PCSK7: variants seen among roughly 807,000 people sequenced by gnomAD.
The protein encoded by PCSK7 is lymphoma proprotein convertase.
A neutral mutation model predicts 73.3 loss-of-function variants in PCSK7; 38 were observed. The observed-to-expected ratio is 0.52, with a 90% CI of 0.40 to 0.68. PCSK7 has a LOEUF of 0.68. PCSK7 is among the 30% of genes least tolerant of loss of function. PCSK7 has a pLI of 0.00. For synonymous variants in PCSK7, 296 were observed against 383.8 expected, an observed-to-expected ratio of 0.77 and a Z score of 2.68; for missense variants, 692 against 991.5, an observed-to-expected ratio of 0.70 and a Z score of 4.06.
At chr11:117,216,431 CAATTT>C (rs2031985219) in intron 12 of PCSK7, 1 of 115,140 alleles carries the variant, frequency 8.7e-6, no homozygotes, top group African/African-American at 3.6e-5. Context: ...GCTCAACTCT[CAATTT>C]TTTTTTTTTT....
chr11:117,209,845 A>G (rs1479719815), intron 12 of PCSK7: 1 of 152,506 alleles, frequency 6.6e-6, no homozygotes, highest in African/African-American at 2.4e-5. Flanking sequence ...CCCTGTCTCA[A>G]AGAAAAAAAA....
At chr11:117,213,375 C>T (rs4938358) in intron 12 of PCSK7, 42,957 of 152,034 alleles carry the variant, frequency 0.28, 7,032 homozygotes, top group African/African-American at 0.45. Context: ...AACACTCGCG[C>T]GTTTCAAGTT....
chr11:117,215,405 T>TAC (rs1433529244), intron 12 of PCSK7: 1 of 88,354 alleles, frequency 1.1e-5, no homozygotes, highest in Non-Finnish European at 1.9e-5. Flanking sequence ...TATATATATA[T>TAC]ACTTTTTTTT....
In PCSK7 at chr11:117,218,919, T is replaced by A. The variant is rs570617850; in HGVS notation, c.1431+138A>T. On this transcript the variant is annotated intron_variant, in intron 11 of 16. Transcript: ENST00000320934. The surrounding 1 kb of genome is among the most constrained non-coding windows in gnomAD (Gnocchi z 4.0). ...TTTGTAAAATGGATATCAGCTGGGATGAAGGTTGAAGTTGTTAAATCAATG... is the reference window on the plus strand; with the variant it reads ...TTTGTAAAATGGATATCAGCTGGGAAGAAGGTTGAAGTTGTTAAATCAATG... 7 of 605,368 alleles carry A rather than the reference T, an allele frequency of 1.2e-5. No individual in the cohort carries two copies. In the South Asian group the frequency reaches 1.4e-4, roughly 12 times the overall value. 37.5% of individuals were successfully genotyped at this position (605,368 alleles called of 1,614,324 possible). A position where few individuals can be genotyped will look rare whatever the true frequency, so the allele number is the denominator to read the frequency against.
At chr11:117,223,571 C>T in intron 8 of PCSK7, 2 of 518,300 alleles carry the variant, frequency 3.9e-6, no homozygotes, top group Non-Finnish European at 6.9e-6. Context: ...TTCATACCCA[C>T]TTATTCATTC....
intron 10 of PCSK7, 79 bp downstream of exon 10, chr11:117,219,512 T>C (rs1313522023): frequency 2.3e-6 from 3 of 1,321,904 alleles, no homozygotes; most frequent in Non-Finnish European, 3.2e-6. Flanking sequence ...ATTTGGGACA[T>C]TGAGAATCTA....
Position 117,218,233 on chromosome 11 carries a change from G to T in PCSK7, c.1534+233C>A. 2 of 204,898 alleles carry T rather than the reference G, an allele frequency of 9.8e-6. No individual in the cohort carries two copies. The highest frequency in any genetic ancestry group is 2.0e-5 in the Non-Finnish European group (2 of 101,214). The allele number at this position is 204,898 out of a possible 1,614,324, so 12.7% of individuals were successfully genotyped here. A position where few individuals can be genotyped will look rare whatever the true frequency, so the allele number is the denominator to read the frequency against. ...ACCCGCCCTCCTCCTCAGTTGCTCT[G>T]CTGCTCCTTTTCACTACTAGGAACC... On this transcript the variant is annotated intron_variant, in intron 12 of 16. Transcript: ENST00000320934. This position sits in a 1 kb window ranked among gnomAD's most constrained non-coding sequence, Gnocchi z 4.0.
chr11:117,222,652 CT>C (rs35511974), intron 9 of PCSK7: 40 of 147,002 alleles, frequency 2.7e-4, no homozygotes, highest in Non-Finnish European at 3.2e-4. Context: ...CACTTAGTTT[CT>C]TTTTTTTTTT....
In PCSK7 at chr11:117,224,060, G is replaced by A; in HGVS notation, c.1054+18C>T. The A allele has an allele frequency of 4.3e-6, 7 of 1,613,534 alleles. No individual in the cohort carries two copies. Among genetic ancestry groups the A allele is most frequent in the Non-Finnish European group, 5.9e-6 (7 of 1,179,414 alleles). On this transcript the variant is annotated intron_variant, in intron 8 of 16. Transcript: ENST00000320934. ...TCGGTGACACACACACAGGAGCACA[G>A]AAACATTGGGTGACTACCTATGGTG...
At chr11:117,222,953 GAC>G (rs901063369) in intron 9 of PCSK7, 18 of 450,732 alleles carry the variant, frequency 4.0e-5, no homozygotes, top group African/African-American at 2.8e-4. Context: ...GGCCCCATGT[GAC>G]ACTTAGTTTC....
intron 9 of PCSK7, 128 bp downstream of exon 9, chr11:117,223,080 C>G: frequency 1.4e-6 from 1 of 702,716 alleles, no homozygotes; most frequent in African/African-American, 1.7e-5. Context: ...AGACATCCAG[C>G]TCTGTGGGGG....
rs1284017787 is a variant in PCSK7 at position 117,229,727 on chromosome 11, C to T, written c.118G>A (p.Gly40Arg). The T allele has an allele frequency of 1.2e-6, 2 of 1,613,908 alleles. No individual in the cohort carries two copies. The highest frequency in any genetic ancestry group is 1.3e-5 in the African/African-American group (1 of 74,960). The part of the protein sequence containing the change: ...LLVPWVMGLA[G>R]TGGPDGQGTG... Reference sequence around the variant, plus strand: ...CCCTGGCCATCAGGCCCACCTGTCCCTGCCAGGCCCATGACCCAGGGAACC... The same window carrying T: ...CCCTGGCCATCAGGCCCACCTGTCCTTGCCAGGCCCATGACCCAGGGAACC... The change falls in exon 3 of 17, where the codon GGG (glycine) becomes AGG (arginine). Residue 40 changes from glycine (G) to arginine (R), a missense_variant. Physicochemically the swap from Gly to Arg is moderately radical, Grantham distance 125. This residue lies in a region of PCSK7 where 574 missense variants were observed against 689.8 expected (regional missense o/e 0.83). Coordinates refer to ENST00000320934, the MANE Select transcript of PCSK7 (RefSeq NM_004716.4).
rs767369841 is a variant in PCSK7, at chr11:117,225,923, T to C, written c.860+8A>G. On this transcript the variant is annotated splice_region_variant and intron_variant, in intron 6 of 16. Coordinates refer to ENST00000320934, the MANE Select transcript of PCSK7 (RefSeq NM_004716.4). ...GCTCTTGCCCTCTCATCTGCAGCTC[T>C]GCCTCACCTGCAGCTGTAGATGTCA... The C allele has an allele frequency of 6.4e-7, 1 of 1,561,714 alleles. No homozygotes were observed. The highest frequency in any genetic ancestry group is 8.8e-7 in the Non-Finnish European group (1 of 1,132,344).
intron 12 of PCSK7, chr11:117,217,415 T>C (rs1565309584): frequency 1.3e-5 from 2 of 152,238 alleles, no homozygotes; most frequent in Non-Finnish European, 2.9e-5. Context: ...TGAACTTCTC[T>C]GACTTGGCTG....
Position 117,218,381 on chromosome 11 carries a change from T to C in PCSK7, c.1534+85A>G. ...CTCAGCTCCGAAAGGGGGTAGAATCTGGCAGGGAGGACGAGTTTAACTTCC... is the reference window on the plus strand; with the variant it reads ...CTCAGCTCCGAAAGGGGGTAGAATCCGGCAGGGAGGACGAGTTTAACTTCC... On this transcript the variant is annotated intron_variant, in intron 12 of 16. Coordinates refer to ENST00000320934, the MANE Select transcript of PCSK7 (RefSeq NM_004716.4). This position sits in a 1 kb window ranked among gnomAD's most constrained non-coding sequence, Gnocchi z 4.0. The C allele has an allele frequency of 1.4e-6, 1 of 692,868 alleles. No individual in the cohort carries two copies. Among genetic ancestry groups the C allele is most frequent in the Non-Finnish European group, 2.4e-6 (1 of 418,018 alleles). The allele number at this position is 692,868 out of a possible 1,614,324, so 42.9% of individuals were successfully genotyped here.
intron 12 of PCSK7, chr11:117,213,126 C>T (rs954361972): frequency 5.3e-5 from 8 of 152,236 alleles, no homozygotes; most frequent in African/African-American, 1.9e-4. Context: ...TAACACTGCA[C>T]TATGCCTATA....
intron 12 of PCSK7, chr11:117,213,080 C>G (rs2031804762): frequency 6.6e-6 from 1 of 152,244 alleles, no homozygotes; most frequent in African/African-American, 2.4e-5. Context: ...CTGCTGTGCT[C>G]TCAAAGCACC....
In PCSK7 at chr11:117,219,131, C is replaced by T. The variant is rs987686954; in HGVS notation, c.1357G>A (p.Glu453Lys). 1.7e-5 allele frequency: 28 copies of T among 1,611,106 alleles called. No individual in the cohort carries two copies. Among genetic ancestry groups the T allele is most frequent in the African/African-American group, 4.0e-5 (3 of 74,932 alleles). ...TGGTGGCTATGGCTGAAGCCTGCCT[C>T]GTTGGTGACCCACTCTGCACGGCGA... ...EDRRAEWVTN[E>K]AGFSHSHQHG... The change falls in exon 11 of 17, where the codon GAG becomes AAG. Residue 453 changes from glutamate to lysine, a missense_variant. By Grantham distance (56) the Glu-to-Lys change is moderately conservative. This residue lies in a region of PCSK7 where 574 missense variants were observed against 689.8 expected (regional missense o/e 0.83). Transcript: ENST00000320934.
intron 4 of PCSK7, 106 bp downstream of exon 4, chr11:117,228,110 T>A: frequency 1.8e-6 from 2 of 1,084,882 alleles, no homozygotes; most frequent in South Asian, 3.0e-5. Context: ...CCTCCCAGGC[T>A]CTTTTATTTG....
Sources: allele counts gnomAD v4.1 joint callset, GRCh38; gene constraint gnomAD v4.1.1; regional missense constraint gnomAD v4.1.1; non-coding constraint Gnocchi (gnomAD v3.1); transcripts MANE v1.5; gene names NCBI Gene and HGNC (gene_info 2026-07-23, HGNC 2026-07-21).